The following NRSN1 variants were observed in gnomAD, a reference collection of about 807,000 sequenced individuals.
NRSN1 encodes neurensin 1.
Under a neutral mutation model 17.3 loss-of-function variants are expected in NRSN1, and 14 were observed. The ratio of observed to expected loss-of-function variants is 0.81; its 90% CI spans 0.54 to 1.27. NRSN1 has a LOEUF of 1.27. Among genes scored for constraint, NRSN1 ranks in the 50% most tolerant of loss-of-function variants. NRSN1 has a pLI of 0.00. For synonymous variants in NRSN1, 79 were observed against 94.2 expected, an observed-to-expected ratio of 0.84 and a Z score of 0.93; for missense variants, 209 against 235.9, an observed-to-expected ratio of 0.89 and a Z score of 0.75.
At chr6:24,144,979 T>A (rs954180746) in intron 3 of NRSN1, among the ~76,000 whole-genome samples, 33 of 144,664 alleles carry the variant, frequency 2.3e-4, no homozygotes, top group African/African-American at 4.3e-4. Flanking sequence ...TGTACAAATT[T>A]AAAAAAAAAA....
chr6:24,146,187 A>C lies in NRSN1; in HGVS notation c.*241A>C. 1.4e-6 allele frequency: 1 copy of C among 696,982 alleles called. No homozygotes were observed. The highest frequency in any genetic ancestry group is 2.7e-6 in the Non-Finnish European group (1 of 372,472). The allele number at this position is 696,982 out of a possible 1,614,324, so 43.2% of individuals were successfully genotyped here. The stretch of plus-strand genomic sequence containing the variant: ...GATGGGTGCTTCCTTGTACCCGGCC[A>C]CCAGAAAACCCCTGGAACTCCTCTT... On this transcript the variant is annotated 3_prime_UTR_variant, in exon 4 of 4. Coordinates refer to ENST00000378491, the MANE Select transcript of NRSN1 (RefSeq NM_080723.5).
chr6:24,144,006 C>T (rs932801604), intron 3 of NRSN1, among the ~76,000 whole-genome samples: 1 of 152,202 alleles, frequency 6.6e-6, no homozygotes, highest in Non-Finnish European at 1.5e-5. Flanking sequence ...AACCTATGGG[C>T]ATTGACCACC....
chr6:24,140,814 T>C (rs1760191908), intron 3 of NRSN1: 1 of 1,255,198 alleles, frequency 8.0e-7, no homozygotes, highest in Non-Finnish European at 1.0e-6. Flanking sequence ...TGGGAAACAA[T>C]GAAAGGATGT....
intron 2 of NRSN1, among the ~76,000 whole-genome samples, chr6:24,133,325 T>C (rs779513430): frequency 6.6e-6 from 1 of 152,192 alleles, no homozygotes; most frequent in African/African-American, 2.4e-5. Context: ...GTGTTAGAGT[T>C]AGTGAGGTGT....
At position 24,145,179 on chromosome 6, in the gene NRSN1, T is replaced by C. The variant is rs1220545107; in HGVS notation, c.190-369T>C. On this transcript the variant is annotated intron_variant, in intron 3 of 3. Coordinates refer to ENST00000378491, the MANE Select transcript of NRSN1 (RefSeq NM_080723.5). This position sits in a 1 kb window ranked among gnomAD's most constrained non-coding sequence, Gnocchi z 4.4. ...TATATCTTTGGACATATATATTATATAGATCTTTAGCTATATATAATATAT... is the reference window on the plus strand; with the variant it reads ...TATATCTTTGGACATATATATTATACAGATCTTTAGCTATATATAATATAT... 1.4e-5 allele frequency among the ~76,000 whole-genome samples: 2 copies of C among 143,066 alleles called. No individual in the cohort carries two copies. Among genetic ancestry groups the C allele is most frequent in the African/African-American group, 2.5e-5 (1 of 39,372 alleles). 93.9% of individuals were successfully genotyped at this position (143,066 alleles called of 152,430 possible).
At chr6:24,141,295 T>C (rs749928779) in intron 3 of NRSN1, 8 of 1,219,510 alleles carry the variant, frequency 6.6e-6, no homozygotes, top group Non-Finnish European at 8.2e-6. Flanking sequence ...CTGTATGGAA[T>C]TGCTCCCTCA....
intron 2 of NRSN1, among the ~76,000 whole-genome samples, chr6:24,133,840 GTTGT>G (rs1194717358): frequency 4.6e-5 from 7 of 152,066 alleles, no homozygotes; most frequent in Admixed American, 6.5e-5. Flanking sequence ...TGTTGTTGTT[GTTGT>G]TTGTTTTATT....
In NRSN1 at chr6:24,134,312, A is replaced by G. The variant is rs1213489848; in HGVS notation, c.-9-7A>G. ...GGCATTAATCCATGTGGATGTTGTC[A>G]TTCCAGCTGGGAAGGATGAGTTCTT... is the stretch of plus-strand genomic sequence containing the variant. On this transcript the variant is annotated splice_polypyrimidine_tract_variant and splice_region_variant and intron_variant, in intron 2 of 3. Coordinates refer to ENST00000378491, the MANE Select transcript of NRSN1 (RefSeq NM_080723.5). 6.2e-7 allele frequency: 1 copy of G among 1,612,016 alleles called. No homozygotes were observed. Among genetic ancestry groups the G allele is most frequent in the Non-Finnish European group, 8.5e-7 (1 of 1,178,864 alleles).
At position 24,126,219 on chromosome 6, in the gene NRSN1, A is replaced by AT. The variant is rs2113709336; in HGVS notation, c.-203dup. The AT allele has an allele frequency of 5.4e-6, 1 of 185,700 alleles. No homozygotes were observed. The highest frequency in any genetic ancestry group is 1.1e-5 in the Non-Finnish European group (1 of 93,906). 11.5% of individuals were successfully genotyped at this position (185,700 alleles called of 1,614,324 possible). A position where few individuals can be genotyped will look rare whatever the true frequency, so the allele number is the denominator to read the frequency against. On this transcript the variant is annotated 5_prime_UTR_variant, in exon 1 of 4. Transcript: ENST00000378491. ...GGGCACGCGGGACTCCCAGCTGTCA[A>AT]TCAGGCGCGGGCTGAGCTCTACGAG...
intron 3 of NRSN1, among the ~76,000 whole-genome samples, chr6:24,141,962 G>C (rs1760210896): frequency 6.6e-6 from 1 of 152,162 alleles, no homozygotes; most frequent in Non-Finnish European, 1.5e-5. Context: ...CTTCAGCAGG[G>C]AGTTAGTTTA....
intron 2 of NRSN1, among the ~76,000 whole-genome samples, chr6:24,132,907 GTACA>G (rs1760058617): frequency 1.3e-5 from 2 of 152,110 alleles, no homozygotes; most frequent in Non-Finnish European, 2.9e-5. Flanking sequence ...TACCATCTGT[GTACA>G]GGATAATTTA....
chr6:24,141,404 G>T (rs56960179), intron 3 of NRSN1: 5 of 369,238 alleles, frequency 1.4e-5, no homozygotes, highest in African/African-American at 2.1e-5. Context: ...AGACTCCTTC[G>T]TACCTATCAT....
In NRSN1 at chr6:24,147,483, C is replaced by T. The variant is rs1418140862; in HGVS notation, c.*1537C>T. 1.3e-5 allele frequency: 2 copies of T among 151,936 alleles called. No individual in the cohort carries two copies. The highest frequency in any genetic ancestry group is 1.5e-5 in the Non-Finnish European group (1 of 68,016). The allele number at this position is 151,936 out of a possible 1,614,324, so 9.4% of individuals were successfully genotyped here. On this transcript the variant is annotated 3_prime_UTR_variant, in exon 4 of 4. Transcript: ENST00000378491. Reference sequence around the variant, plus strand: ...ATTTTCCATTCTGAGACTGAATAAGCTCTGATGTTTCCCCGGCTAAATGGA... The same window carrying T: ...ATTTTCCATTCTGAGACTGAATAAGTTCTGATGTTTCCCCGGCTAAATGGA...
rs1554140179 is a variant in NRSN1 at position 24,134,042 on chromosome 6, T to TG, written c.-9-277_-9-276insG. ...TGTGTGTGTGTGTGTGTGTGTGTGT[T>TG]TTTAGTAGAGACAGGGTTTCACCGT... On this transcript the variant is annotated intron_variant, in intron 2 of 3. Transcript: ENST00000378491. 9.5e-3 allele frequency among the ~76,000 whole-genome samples: 447 copies of TG among 47,236 alleles called. 2 individuals are homozygous for TG. Among genetic ancestry groups the TG allele is most frequent in the African/African-American group, 0.031 (410 of 13,036 alleles). 31.0% of individuals were successfully genotyped at this position (47,236 alleles called of 152,430 possible).
At chr6:24,127,541 G>T (rs987164155) in intron 1 of NRSN1, among the ~76,000 whole-genome samples, 5 of 152,280 alleles carry the variant, frequency 3.3e-5, no homozygotes, top group Admixed American at 1.3e-4. Flanking sequence ...ATCAAATTTT[G>T]CATGGGCACC....
intron 3 of NRSN1, chr6:24,140,799 C>G (rs1760191612): frequency 1.6e-6 from 2 of 1,227,956 alleles, no homozygotes. Flanking sequence ...GCCTCATCAG[C>G]TCACTGGGAA....
At position 24,146,036 on chromosome 6, in the gene NRSN1, G is replaced by A; in HGVS notation, c.*90G>A. 7.7e-7 allele frequency: 1 copy of A among 1,303,008 alleles called. No homozygotes were observed. Among genetic ancestry groups the A allele is most frequent in the Admixed American group, 1.9e-5 (1 of 53,374 alleles). The allele number at this position is 1,303,008 out of a possible 1,614,324, so 80.7% of individuals were successfully genotyped here. A position where few individuals can be genotyped will look rare whatever the true frequency, so the allele number is the denominator to read the frequency against. On this transcript the variant is annotated 3_prime_UTR_variant, in exon 4 of 4. Transcript: ENST00000378491. The stretch of plus-strand genomic sequence containing the variant: ...TTCGAGATAAAGAAGATTTGGCGTT[G>A]ACTGCCCTAGGGCTGTGTTCAGCTG...
At position 24,126,235 on chromosome 6, in the gene NRSN1, G is replaced by A; in HGVS notation, c.-188G>A. 5.4e-6 allele frequency: 1 copy of A among 184,642 alleles called. No homozygotes were observed. The highest frequency in any genetic ancestry group is 1.1e-5 in the Non-Finnish European group (1 of 90,748). The allele number at this position is 184,642 out of a possible 1,614,324, so 11.4% of individuals were successfully genotyped here. ...CAGCTGTCAATCAGGCGCGGGCTGA[G>A]CTCTACGAGGCGGAGCGGCGGCGGT... On this transcript the variant is annotated 5_prime_UTR_variant, in exon 1 of 4. Coordinates refer to ENST00000378491, the MANE Select transcript of NRSN1 (RefSeq NM_080723.5).
chr6:24,141,812 G>A (rs745986048), intron 3 of NRSN1, among the ~76,000 whole-genome samples: 1 of 152,192 alleles, frequency 6.6e-6, no homozygotes, highest in Non-Finnish European at 1.5e-5. Flanking sequence ...TAGGCAGGCA[G>A]GACGGTTTAT....
Sources: gnomAD v4.1 joint callset for allele counts (sites outside exome capture counted in the v4.1 genomes callset) on GRCh38, gnomAD v4.1.1 for gene constraint, Gnocchi (gnomAD v3.1) non-coding constraint, MANE v1.5 for transcripts, NCBI Gene and HGNC (gene_info 2026-07-23, HGNC 2026-07-21) for gene names.